ROBO2: variants seen among roughly 807,000 people sequenced by gnomAD.
ROBO2 encodes roundabout guidance receptor 2, also known as roundabout homolog 2.
ROBO2 carries 53 observed loss-of-function variants against 160.8 expected under a neutral mutation model. That is an observed-to-expected ratio of 0.33 (90% CI 0.26 to 0.41). ROBO2 has a LOEUF of 0.41. Ranked by LOEUF, ROBO2 falls within the 10% of genes least tolerant of loss-of-function variation. The probability of loss-of-function intolerance (pLI) is 1.00; values close to 1 mark genes in which losing one functional copy is unlikely to be tolerated. For missense variants in ROBO2, 1,577 were observed against 1,722.4 expected (o/e 0.92, Z 1.49); for synonymous variants, 664 against 611.7 (o/e 1.09, Z -1.26).
At chr3:76,755,368 C>T (rs531736254) in intron 2 of ROBO2, among the ~76,000 whole-genome samples, 8 of 151,796 alleles carry the variant, frequency 5.3e-5, no homozygotes, top group African/African-American at 1.9e-4. Flanking sequence ...AGACATCTAC[C>T]CCAGAGTAAG....
Position 76,934,958 on chromosome 3 carries a change from A to ATTTTTTTTTTTTTTTTTTTTTTTTT in ROBO2, c.110-163056_110-163055insTTTTTTTTTTTTTTTTTTTTTTTTT, listed in dbSNP as rs151316771. Among the ~76,000 whole-genome samples, 2 of 146,730 alleles carry ATTTTTTTTTTTTTTTTTTTTTTTTT rather than the reference A, an allele frequency of 1.4e-5. 1 individual carries two copies. Among genetic ancestry groups the ATTTTTTTTTTTTTTTTTTTTTTTTT allele is most frequent in the African/African-American group, 5.1e-5 (2 of 39,454 alleles). ...TTTTGAAATAATTTCAGGCTTCACA[A>ATTTTTTTTTTTTTTTTTTTTTTTTT]ATTTTTTTTTTTTTAGACCATCTCA... On this transcript the variant is annotated intron_variant, in intron 2 of 26. Coordinates refer to the ROBO2 transcript ENST00000487694.
chr3:77,302,471 T>C (rs1255816894), intron 2 of ROBO2, among the ~76,000 whole-genome samples: 3 of 152,092 alleles, frequency 2.0e-5, no homozygotes, highest in Non-Finnish European at 2.9e-5. Context: ...TAAACAATTA[T>C]GGGCCATACT....
Position 76,357,772 on chromosome 3 carries a change from A to C in ROBO2, c.109+420170A>C, listed in dbSNP as rs557080625. On this transcript the variant is annotated intron_variant, in intron 2 of 26. Transcript: ENST00000487694. ...AGTTGCAGGATAAACAACCACAATT[A>C]ATTTTATTTGTAAAATTTGGCAATA... Among the ~76,000 whole-genome samples, 12 of 151,962 alleles carry C rather than the reference A, an allele frequency of 7.9e-5. No individual in the cohort carries two copies. The South Asian group carries it at 2.5e-3, about 32-fold the overall frequency.
At chr3:76,942,068 A>C (rs2078223020) in intron 2 of ROBO2, among the ~76,000 whole-genome samples, 1 of 152,198 alleles carries the variant, frequency 6.6e-6, no homozygotes, top group African/African-American at 2.4e-5. Context: ...TTTTATTTCC[A>C]AAAGTTACAG....
At chr3:76,614,383 A>C (rs2088395364) in intron 2 of ROBO2, among the ~76,000 whole-genome samples, 1 of 152,092 alleles carries the variant, frequency 6.6e-6, no homozygotes, top group Admixed American at 6.6e-5. Context: ...TTTTTAGATA[A>C]GAAATATAAC....
intron 2 of ROBO2, among the ~76,000 whole-genome samples, chr3:76,367,224 T>C (rs2075862723): frequency 6.6e-6 from 1 of 152,048 alleles, no homozygotes; most frequent in South Asian, 2.1e-4. Flanking sequence ...TGATCTAACA[T>C]TCTGAACAAT....
chr3:76,031,161 C>T (rs2066908076), intron 2 of ROBO2, among the ~76,000 whole-genome samples: 1 of 152,058 alleles, frequency 6.6e-6, no homozygotes, highest in African/African-American at 2.4e-5. Flanking sequence ...TGATTTGGCT[C>T]TCTGTTTGTT....
At chr3:75,971,695 G>A (rs2064999347) in intron 2 of ROBO2, among the ~76,000 whole-genome samples, 1 of 151,264 alleles carries the variant, frequency 6.6e-6, no homozygotes, top group African/African-American at 2.4e-5. Flanking sequence ...TTTCAAGTTT[G>A]GAAAACTTCA....
chr3:77,353,550 G>T (rs2068645066), intron 2 of ROBO2, among the ~76,000 whole-genome samples: 1 of 151,970 alleles, frequency 6.6e-6, no homozygotes, highest in Non-Finnish European at 1.5e-5. Flanking sequence ...TCTCTCTGTT[G>T]CCCAGGTTGG....
At chr3:77,596,489 TC>T in intron 18 of ROBO2, 133 bp from the exon 20 acceptor site, 1 of 1,117,502 alleles carries the variant, frequency 8.9e-7, no homozygotes, top group South Asian at 1.3e-5. Context: ...GTTCTTTAAT[TC>T]CAGGGAGTCT....
intron 2 of ROBO2, among the ~76,000 whole-genome samples, chr3:76,376,982 A>C (rs2076379797): frequency 6.6e-6 from 1 of 152,136 alleles, no homozygotes; most frequent in East Asian, 1.9e-4. Flanking sequence ...TCTGTTGTGC[A>C]TGCTTGGGCT....
intron 2 of ROBO2, among the ~76,000 whole-genome samples, chr3:76,666,871 A>G (rs888885639): frequency 6.4e-4 from 97 of 152,222 alleles, no homozygotes; most frequent in African/African-American, 2.1e-3. Flanking sequence ...TTTAGAAAAC[A>G]GTTATCCTCA....
chr3:76,890,147 G>C lies in ROBO2; in HGVS notation c.110-207867G>C, dbSNP rs1362141331. Among the ~76,000 whole-genome samples, 3 of 152,186 alleles carry C rather than the reference G, an allele frequency of 2.0e-5. No homozygotes were observed. The East Asian group carries it at 5.8e-4, about 29-fold the overall frequency. On this transcript the variant is annotated intron_variant, in intron 2 of 26. Transcript: ENST00000487694. The stretch of plus-strand genomic sequence containing the variant: ...GATCATTCTGCGTTTGGAACAGACT[G>C]TGGACTAGAAATATGATAGTGGGTT...
chr3:76,315,894 G>A (rs563011133), intron 2 of ROBO2, among the ~76,000 whole-genome samples: 3 of 152,030 alleles, frequency 2.0e-5, no homozygotes, highest in South Asian at 4.1e-4. Flanking sequence ...AGTGTCGGCC[G>A]GTCTGAGAAA....
intron 2 of ROBO2, among the ~76,000 whole-genome samples, chr3:77,007,469 A>T (rs1464193858): frequency 6.6e-5 from 10 of 152,010 alleles, no homozygotes; most frequent in African/African-American, 2.4e-4. Context: ...ATATTTACAG[A>T]TCTTCTTCCT....
Position 76,555,358 on chromosome 3 carries a change from G to GAGAAGAAGAAGAAGAAGAAAAGAAGA in ROBO2, c.110-542637_110-542636insAAGAAGAAGAAGAAGAAGAAGAAGAA, listed in dbSNP as rs2083652529. Among the ~76,000 whole-genome samples, 9 of 57,930 alleles carry GAGAAGAAGAAGAAGAAGAAAAGAAGA rather than the reference G, an allele frequency of 1.6e-4. 1 individual carries two copies. Among genetic ancestry groups the GAGAAGAAGAAGAAGAAGAAAAGAAGA allele is most frequent in the African/African-American group, 4.7e-4 (9 of 19,222 alleles). The allele number at this position is 57,930 out of a possible 152,430, so 38.0% of individuals were successfully genotyped here. On this transcript the variant is annotated intron_variant, in intron 2 of 26. Transcript: ENST00000487694. The stretch of plus-strand genomic sequence containing the variant: ...AGGAAGAGGAGGAAGAGTAGGAAGA[G>GAGAAGAAGAAGAAGAAGAAAAGAAGA]AGAAGAAGAAGAAGAAGAAGAAGAA...
intron 2 of ROBO2, among the ~76,000 whole-genome samples, chr3:76,341,531 T>C (rs1383837964): frequency 1.3e-5 from 2 of 151,794 alleles, no homozygotes; most frequent in Non-Finnish European, 2.9e-5. Context: ...TGTGTTGATA[T>C]TTTCCCTTGT....
chr3:76,589,102 T>C (rs1181310090), intron 2 of ROBO2, among the ~76,000 whole-genome samples: 2 of 152,186 alleles, frequency 1.3e-5, no homozygotes, highest in Non-Finnish European at 2.9e-5. Flanking sequence ...GAGTGTATCT[T>C]AGGTGGTCTC....
chr3:77,322,033 G>A (rs2064764529), intron 2 of ROBO2, among the ~76,000 whole-genome samples: 1 of 152,152 alleles, frequency 6.6e-6, no homozygotes, highest in African/African-American at 2.4e-5. Flanking sequence ...AATGGAGAGA[G>A]CTGAGGGAGA....
Sources: allele counts gnomAD v4.1 joint callset (sites outside exome capture counted in the v4.1 genomes callset), GRCh38; gene constraint gnomAD v4.1.1; transcripts MANE v1.5; gene names NCBI Gene and HGNC (gene_info 2026-07-23, HGNC 2026-07-21).